CRAMP1: variants seen among roughly 807,000 people sequenced by gnomAD.
CRAMP1 encodes the protein cramped chromatin regulator 1.
CRAMP1 carries 50 observed loss-of-function variants against 115.4 expected under a neutral mutation model. That is an observed-to-expected ratio of 0.43 (90% confidence interval 0.35 to 0.55). The LOEUF is 0.55. Ranked by LOEUF, CRAMP1 falls within the 20% of genes least tolerant of loss-of-function variation. The probability of loss-of-function intolerance (pLI) is 0.01; values close to 1 mark genes in which losing one functional copy is unlikely to be tolerated. For missense variants in CRAMP1, 1,679 were observed against 1,721.7 expected, an observed-to-expected ratio of 0.98 and a Z score of 0.44; for synonymous variants, 866 against 745.4, an observed-to-expected ratio of 1.16 and a Z score of -2.64.
At chr16:1,643,634 A>G (rs1449985564) in intron 6 of CRAMP1, among the ~76,000 whole-genome samples, 2 of 151,944 alleles carry the variant, frequency 1.3e-5, no homozygotes, top group Non-Finnish European at 2.9e-5. Context: ...ACTCAGTAGC[A>G]TGTGTGCTAG....
At chr16:1,670,558 C>T (rs770192359) in intron 19 of CRAMP1, 106 bp from the exon 20 acceptor site, 20 of 1,252,682 alleles carry the variant, frequency 1.6e-5, no homozygotes, top group Middle Eastern at 2.0e-4. Context: ...GGGCCGGGGC[C>T]GGGGCTAGGG....
intron 3 of CRAMP1, among the ~76,000 whole-genome samples, chr16:1,627,070 C>A (rs752211271): frequency 6.6e-6 from 1 of 152,026 alleles, no homozygotes; most frequent in African/African-American, 2.4e-5. Flanking sequence ...TGGTGAACAT[C>A]GGTGTGCACG....
chr16:1,663,564 G>T (rs2036850340), intron 13 of CRAMP1, among the ~76,000 whole-genome samples: 1 of 152,132 alleles, frequency 6.6e-6, no homozygotes, highest in Admixed American at 6.5e-5. Flanking sequence ...CTGTTGTTTT[G>T]TTTAATTTAA....
Position 1,662,785 on chromosome 16 carries a change from A to C in CRAMP1, c.2620A>C (p.Lys874Gln). The change falls in exon 13 of 21, where the codon AAG (lysine) becomes CAG (glutamine). Residue 874 changes from lysine (K) to glutamine (Q), a missense_variant. By Grantham distance (53) the Lys-to-Gln change is moderately conservative. Transcript: ENST00000397412. ...GATGCAGTCGGATTTCTTCCTGCCA[A>C]AGCCCCGGAAGCTGCGGAACCGGCA... ...ISMQSDFFLP[K>Q]PRKLRNRHLR... The C allele has an allele frequency of 5.0e-6, 8 of 1,613,898 alleles. No individual in the cohort carries two copies. The highest frequency in any genetic ancestry group is 6.8e-6 in the Non-Finnish European group (8 of 1,179,876).
At chr16:1,617,369 C>A (rs970637172) in intron 2 of CRAMP1, among the ~76,000 whole-genome samples, 1 of 152,202 alleles carries the variant, frequency 6.6e-6, no homozygotes, top group Admixed American at 6.5e-5. Flanking sequence ...TCTGCTCAGT[C>A]GTTGCTTCCA....
chr16:1,664,144 C>G (rs34363032), intron 13 of CRAMP1, among the ~76,000 whole-genome samples: 89 of 152,262 alleles, frequency 5.8e-4, no homozygotes, highest in African/African-American at 1.9e-3. Context: ...GAGGCGGAAG[C>G]GCCTCAGACA....
intron 6 of CRAMP1, among the ~76,000 whole-genome samples, chr16:1,642,083 G>A (rs914962097): frequency 1.3e-5 from 2 of 152,196 alleles, no homozygotes; most frequent in Admixed American, 6.5e-5. Context: ...TCAGTTCACT[G>A]AACCACAGAT....
intron 11 of CRAMP1, among the ~76,000 whole-genome samples, 196 bp downstream of exon 11, chr16:1,660,259 G>A (rs114157657): frequency 2.0e-5 from 3 of 152,252 alleles, no homozygotes; most frequent in Non-Finnish European, 2.9e-5. Flanking sequence ...AGGGCTTGTC[G>A]TGAAGGACTT....
At chr16:1,633,574 C>T (rs2036563148) in intron 4 of CRAMP1, among the ~76,000 whole-genome samples, 1 of 152,248 alleles carries the variant, frequency 6.6e-6, no homozygotes, top group African/African-American at 2.4e-5. Context: ...TATTTGATGC[C>T]TGTGCTGGTC....
In CRAMP1 at chr16:1,656,984, C is replaced by A. The variant is rs1178985337; in HGVS notation, c.2227C>A (p.Pro743Thr). The A allele has an allele frequency of 2.0e-6, 3 of 1,529,382 alleles. No homozygotes were observed. Among genetic ancestry groups the A allele is most frequent in the East Asian group, 4.7e-5 (2 of 42,370 alleles). 94.7% of individuals were successfully genotyped at this position (1,529,382 alleles called of 1,614,324 possible). Residue 743 changes from proline (P) to threonine (T), a missense_variant, in exon 10 of 21, where the codon CCC becomes ACC. Pro to Thr is a conservative substitution (Grantham distance 38). This residue lies in a region of CRAMP1 where 709 missense variants were observed against 741.9 expected (regional missense o/e 0.96). Coordinates refer to ENST00000397412, the MANE Select transcript of CRAMP1 (RefSeq NM_020825.4). This position sits in a 1 kb window ranked among gnomAD's most constrained non-coding sequence, Gnocchi z 5.6. ...GAAGCTCATTTCCACCGAGGTCAAC[C>A]CCAAGCTGGTGAGTGGGTTGGAGCC... Reference protein sequence around the residue: ...LLKLISTEVNPKLALEANTIS... With the variant: ...LLKLISTEVNTKLALEANTIS...
chr16:1,655,860 C>T lies in CRAMP1; in HGVS notation c.1120-17C>T. ...CTCAGTGCTAGCCAGTGTGGGCCTT[C>T]CTTGACGGGCACTCAGCGGAAGACA... On this transcript the variant is annotated splice_polypyrimidine_tract_variant and intron_variant, in intron 9 of 20. Coordinates refer to ENST00000397412, the MANE Select transcript of CRAMP1 (RefSeq NM_020825.4). The T allele has an allele frequency of 6.3e-7, 1 of 1,594,554 alleles. No homozygotes were observed. The highest frequency in any genetic ancestry group is 8.6e-7 in the Non-Finnish European group (1 of 1,167,934).
At chr16:1,668,595 G>A (rs1330986376) in intron 18 of CRAMP1, among the ~76,000 whole-genome samples, 1 of 152,244 alleles carries the variant, frequency 6.6e-6, no homozygotes, top group Non-Finnish European at 1.5e-5. Context: ...CCTGGGGGCA[G>A]TGGTTTGTTG....
At chr16:1,630,433 C>T (rs996692002) in intron 3 of CRAMP1, among the ~76,000 whole-genome samples, 1 of 152,168 alleles carries the variant, frequency 6.6e-6, no homozygotes, top group Non-Finnish European at 1.5e-5. Flanking sequence ...ATTACAGGCA[C>T]GAGCCACCAC....
At position 1,614,873 on chromosome 16, in the gene CRAMP1, C is replaced by A; in HGVS notation, c.234C>A (p.Asp78Glu). The change falls in exon 2 of 21, where the codon GAC becomes GAA. Residue 78 changes from aspartate (D) to glutamate (E), a missense_variant. This residue lies in a region of CRAMP1 where 264 missense variants were observed against 229.7 expected (regional missense o/e 1.15). Coordinates refer to ENST00000397412, the MANE Select transcript of CRAMP1 (RefSeq NM_020825.4). This position sits in a 1 kb window ranked among gnomAD's most constrained non-coding sequence, Gnocchi z 4.4. ...CCCCGCCGCAGGGCAGCCCCCAGGA[C>A]CAGCACCACTTCCTCCGGTCCAGCG... ...APSPPQGSPQDQHHFLRSSVR... is the reference protein window; with the variant it reads ...APSPPQGSPQEQHHFLRSSVR... 1 of 1,331,220 alleles carries A rather than the reference C, an allele frequency of 7.5e-7. No individual in the cohort carries two copies. Among genetic ancestry groups the A allele is most frequent in the Admixed American group, 3.1e-5 (1 of 32,762 alleles). The allele number at this position is 1,331,220 out of a possible 1,614,324, so 82.5% of individuals were successfully genotyped here.
At position 1,669,661 on chromosome 16, in the gene CRAMP1, C is replaced by A. The variant is rs994842380; in HGVS notation, c.3499+496C>A. Among the ~76,000 whole-genome samples the A allele has an allele frequency of 2.0e-5, 3 of 152,232 alleles. No homozygotes were observed. The highest frequency in any genetic ancestry group is 7.2e-5 in the African/African-American group (3 of 41,460). On this transcript the variant is annotated intron_variant, in intron 19 of 20. Coordinates refer to ENST00000397412, the MANE Select transcript of CRAMP1 (RefSeq NM_020825.4). This position sits in a 1 kb window ranked among gnomAD's most constrained non-coding sequence, Gnocchi z 4.6. ...AGAGGACGTGTCCATCCTCCTCCCC[C>A]ACTGCCCGTTTGCCCACTGGGTAGC...
chr16:1,648,833 C>T lies in CRAMP1; in HGVS notation c.828-3663C>T, dbSNP rs539574885. 9.3e-4 allele frequency among the ~76,000 whole-genome samples: 142 copies of T among 152,128 alleles called. 1 individual carries two copies. Among genetic ancestry groups the T allele is most frequent in the Non-Finnish European group, 1.5e-3 (102 of 67,988 alleles). On this transcript the variant is annotated intron_variant, in intron 6 of 20. Transcript: ENST00000397412. ...CAACACTTTGGGAGGCCGAGGCGGG[C>T]GGATCACGAGGTCAGGAGATCGAGA...
intron 3 of CRAMP1, among the ~76,000 whole-genome samples, chr16:1,628,257 T>A (rs1395928950): frequency 1.3e-5 from 2 of 152,148 alleles, no homozygotes; most frequent in Non-Finnish European, 2.9e-5. Context: ...AAGGACTTTT[T>A]GTTTGTTTGT....
chr16:1,673,078 G>A (rs1157879168), intron 20 of CRAMP1, among the ~76,000 whole-genome samples: 1 of 151,536 alleles, frequency 6.6e-6, no homozygotes, highest in East Asian at 1.9e-4. Flanking sequence ...CCCTCCACCT[G>A]TCCTCATTTC....
At chr16:1,634,466 A>C (rs1462938721) in intron 4 of CRAMP1, among the ~76,000 whole-genome samples, 18 of 152,036 alleles carry the variant, frequency 1.2e-4, no homozygotes. Flanking sequence ...ATCTAGGGTG[A>C]AGGGTAAATG....
Sources: allele counts gnomAD v4.1 joint callset (sites outside exome capture counted in the v4.1 genomes callset), GRCh38; gene constraint gnomAD v4.1.1; regional missense constraint gnomAD v4.1.1; non-coding constraint Gnocchi (gnomAD v3.1); transcripts MANE v1.5; gene names NCBI Gene and HGNC (gene_info 2026-07-23, HGNC 2026-07-21).